Variants in C5orf47 observed in about 807,000 individuals in gnomAD.
The protein encoded by C5orf47 is uncharacterized protein C5orf47.
In C5orf47, 20 loss-of-function variants were observed where a neutral mutation model predicts 20.6. The ratio of observed to expected loss-of-function variants is 0.97; its 90% CI spans 0.68 to 1.41. The LOEUF (loss-of-function observed/expected upper bound fraction) is 1.41. Ranked by LOEUF, C5orf47 falls within the 40% of genes most tolerant of loss-of-function variation. The pLI, the probability that C5orf47 is intolerant of heterozygous loss-of-function variation, is 0.00. For synonymous variants in C5orf47, 106 were observed against 97.3 expected (o/e 1.09, Z -0.53); for missense variants, 262 against 238.4 (o/e 1.10, Z -0.65).
chr5:174,007,268 A>G (rs984253473), downstream of C5orf47, among the ~76,000 whole-genome samples: 1 of 152,188 alleles, frequency 6.6e-6, no homozygotes, highest in Non-Finnish European at 1.5e-5. Flanking sequence ...AACAATAGTA[A>G]TAATAATAAT....
rs1362292487 is a variant in C5orf47, at chr5:174,004,903, C to T, written c.*649C>T. ...TTTAGGAAAATTTTTGGGCAAAGAT[C>T]AGAGGAGATGCCCTTTACCTTGCCA... On this transcript the variant is annotated 3_prime_UTR_variant, in exon 5 of 5. Coordinates refer to ENST00000340147, the MANE Select transcript of C5orf47 (RefSeq NM_001144954.2). 3 of 151,990 alleles carry T rather than the reference C, an allele frequency of 2.0e-5. No individual in the cohort carries two copies. The highest frequency in any genetic ancestry group is 7.2e-5 in the African/African-American group (3 of 41,384). 9.4% of individuals were successfully genotyped at this position (151,990 alleles called of 1,614,324 possible). A position where few individuals can be genotyped will look rare whatever the true frequency, so the allele number is the denominator to read the frequency against.
intron 1 of C5orf47, among the ~76,000 whole-genome samples, chr5:173,994,161 T>C (rs1370158389): frequency 6.6e-6 from 1 of 152,226 alleles, no homozygotes; most frequent in Admixed American, 6.5e-5. Flanking sequence ...GGTTGTGCAG[T>C]GCATGGTCTG....
downstream of C5orf47, among the ~76,000 whole-genome samples, chr5:174,007,843 A>G (rs1759315911): frequency 6.6e-6 from 1 of 152,172 alleles, no homozygotes; most frequent in Non-Finnish European, 1.5e-5. Context: ...TACAGGCATG[A>G]GCTACCACGC....
At chr5:174,009,010 T>C (rs1384455377), downstream of C5orf47, among the ~76,000 whole-genome samples, 2 of 151,926 alleles carry the variant, frequency 1.3e-5, no homozygotes, top group East Asian at 3.9e-4. Flanking sequence ...AAAATGGAAA[T>C]AGTGCATCTG....
intron 1 of C5orf47, among the ~76,000 whole-genome samples, chr5:173,994,999 G>T (rs1248286448): frequency 3.3e-5 from 5 of 152,052 alleles, no homozygotes; most frequent in African/African-American, 7.2e-5. Flanking sequence ...TTTTAGTAGA[G>T]ATGGGATTTC....
chr5:174,003,150 TAGAA>T (rs139254629), intron 4 of C5orf47, among the ~76,000 whole-genome samples: 2,683 of 152,282 alleles, frequency 0.018, 30 homozygotes, highest in South Asian at 0.029. Flanking sequence ...CATAGGAAGA[TAGAA>T]AGAGTATGCA....
At position 173,995,159 on chromosome 5, in the gene C5orf47, A is replaced by G. The variant is rs554301853; in HGVS notation, c.326-2994A>G. ...ACATTCATTAAATGTGTCACCCCCT[A>G]TAGGGAAAAAGATGAATTTATTCAT... On this transcript the variant is annotated intron_variant, in intron 1 of 4. Transcript: ENST00000340147. 1.2e-3 allele frequency among the ~76,000 whole-genome samples: 186 copies of G among 152,322 alleles called. 1 individual carries two copies. Among genetic ancestry groups the G allele is most frequent in the African/African-American group, 3.9e-3 (163 of 41,582 alleles).
At position 173,989,600 on chromosome 5, in the gene C5orf47, G is replaced by C. The variant is rs1396661880; in HGVS notation, c.325+12G>C. ...GTCGGCGCGTGCAGGTGGTGCAGCG[G>C]GGCAGGGCGGGACCGGGCGCGGCGG... is the stretch of plus-strand genomic sequence containing the variant. On this transcript the variant is annotated intron_variant, in intron 1 of 4. Transcript: ENST00000340147. The C allele has an allele frequency of 2.1e-6, 3 of 1,425,222 alleles. No homozygotes were observed. The Admixed American group carries it at 8.4e-5, about 40-fold the overall frequency. 88.3% of individuals were successfully genotyped at this position (1,425,222 alleles called of 1,614,324 possible).
At chr5:173,989,654 G>A in intron 1 of C5orf47, 66 bp downstream of exon 1, 1 of 1,283,562 alleles carries the variant, frequency 7.8e-7, no homozygotes. Context: ...GGGCTCAGCT[G>A]CTGGGCGCCA....
At chr5:173,992,601 TG>T (rs1382034794) in intron 1 of C5orf47, among the ~76,000 whole-genome samples, 2 of 152,206 alleles carry the variant, frequency 1.3e-5, no homozygotes, top group African/African-American at 4.8e-5. Flanking sequence ...TTTAGTGCAG[TG>T]AATTTTCTTC....
chr5:173,989,829 C>G (rs1758954566), intron 1 of C5orf47, among the ~76,000 whole-genome samples: 1 of 152,212 alleles, frequency 6.6e-6, no homozygotes, highest in African/African-American at 2.4e-5. Context: ...CTTTACGGCC[C>G]CCTCACGGAG....
chr5:174,001,387 TTATAA>T (rs1205813667), intron 4 of C5orf47, among the ~76,000 whole-genome samples, 156 bp downstream of exon 4: 4 of 152,136 alleles, frequency 2.6e-5, no homozygotes, highest in Non-Finnish European at 5.9e-5. Flanking sequence ...TAGGCACTCA[TTATAA>T]TACTTACTGA....
downstream of C5orf47, among the ~76,000 whole-genome samples, chr5:174,008,573 C>A (rs2113382120): frequency 6.6e-6 from 1 of 152,304 alleles, no homozygotes; most frequent in Admixed American, 6.5e-5. Flanking sequence ...TGGCTCACGC[C>A]TGTAATCCCA....
At position 173,989,363 on chromosome 5, in the gene C5orf47, G is replaced by A. The variant is rs1419947906; in HGVS notation, c.100G>A (p.Gly34Ser). 4 of 1,514,858 alleles carry A rather than the reference G, an allele frequency of 2.6e-6. No individual in the cohort carries two copies. The highest frequency in any genetic ancestry group is 3.5e-6 in the Non-Finnish European group (4 of 1,128,472). 93.8% of individuals were successfully genotyped at this position (1,514,858 alleles called of 1,614,324 possible). ...HQCSGVLQLG[G>S]RGAQGLWGQG... is the part of the protein sequence containing the mutation. ...GTGCAGTGGCGTCCTGCAACTGGGC[G>A]GCCGTGGAGCTCAAGGCCTTTGGGG... The change falls in exon 1 of 5, where the codon GGC (glycine) becomes AGC (serine). Residue 34 changes from glycine (G) to serine (S), a missense_variant. Transcript: ENST00000340147.
intron 1 of C5orf47, among the ~76,000 whole-genome samples, chr5:173,993,086 C>T (rs1759027538): frequency 6.6e-6 from 1 of 152,056 alleles, no homozygotes. Flanking sequence ...ATTTAGAATG[C>T]ATTTAATCTT....
chr5:173,997,001 G>A (rs1759110623), intron 1 of C5orf47, among the ~76,000 whole-genome samples: 2 of 152,150 alleles, frequency 1.3e-5, no homozygotes, highest in East Asian at 3.8e-4. Flanking sequence ...TCAGTGGCAT[G>A]TTTCTCACAA....
In C5orf47 at chr5:173,999,761, A is replaced by G. The variant is rs757122058; in HGVS notation, c.473A>G (p.Tyr158Cys). 1.0e-5 allele frequency: 16 copies of G among 1,536,854 alleles called. No homozygotes were observed. In the African/African-American group the frequency reaches 1.4e-4, roughly 13 times the overall value. ...AGAATGCTTGAAGAAAATGAAAAAT[A>G]TAGACACAGGCTGAAATGCCAAAGG... ...ISRMLEENEK[Y>C]RHRLKCQRLS... Residue 158 changes from tyrosine (Y) to cysteine (C), a missense_variant, in exon 3 of 5, where the codon TAT becomes TGT. Tyr to Cys is a radical substitution (Grantham distance 194, BLOSUM62 -2). Coordinates refer to ENST00000340147, the MANE Select transcript of C5orf47 (RefSeq NM_001144954.2).
downstream of C5orf47, among the ~76,000 whole-genome samples, chr5:174,009,192 CAG>C (rs1331099610): frequency 6.6e-6 from 1 of 152,040 alleles, no homozygotes; most frequent in African/African-American, 2.4e-5. Context: ...GCCTGGGTGA[CAG>C]AGCAAGACTC....
chr5:173,994,227 G>A (rs536309653), intron 1 of C5orf47, among the ~76,000 whole-genome samples: 3 of 152,300 alleles, frequency 2.0e-5, no homozygotes, highest in Admixed American at 1.3e-4. Context: ...TGCAGGCGTT[G>A]CAGTTTTCGG....
Sources: allele counts gnomAD v4.1 joint callset (sites outside exome capture counted in the v4.1 genomes callset), GRCh38; gene constraint gnomAD v4.1.1; transcripts MANE v1.5; gene names NCBI Gene and HGNC (gene_info 2026-07-23, HGNC 2026-07-21).